Variants in C1orf21 observed in about 807,000 individuals in gnomAD.
The protein encoded by C1orf21 is chromosome 1 open reading frame 21, also known as uncharacterized protein C1orf21.
A neutral mutation model predicts 18.7 loss-of-function variants in C1orf21; 3 were observed. That is an observed-to-expected ratio of 0.16 (90% confidence interval 0.07 to 0.42). The LOEUF (loss-of-function observed/expected upper bound fraction) is 0.42, where lower values mean the gene tolerates loss of function less well. C1orf21 is among the 10% of genes least tolerant of loss of function. The pLI is 0.99. For synonymous variants in C1orf21, 41 were observed against 46.4 expected (o/e 0.88, Z 0.47); for missense variants, 104 against 143.6 (o/e 0.72, Z 1.41).
chr1:184,422,136 A>G (rs185093090), intron 1 of C1orf21, among the ~76,000 whole-genome samples: 103 of 152,320 alleles, frequency 6.8e-4, no homozygotes, highest in African/African-American at 2.4e-3. Flanking sequence ...CTAGAGAAAG[A>G]GTATCAGGCA....
chr1:184,571,218 A>C (rs976569215), intron 3 of C1orf21, among the ~76,000 whole-genome samples: 2 of 145,358 alleles, frequency 1.4e-5, no homozygotes, highest in Non-Finnish European at 3.0e-5. Context: ...AATGGCGTGA[A>C]CCCGGGAGGC....
At chr1:184,586,373 C>T (rs1659353230) in intron 3 of C1orf21, among the ~76,000 whole-genome samples, 3 of 151,616 alleles carry the variant, frequency 2.0e-5, no homozygotes, top group African/African-American at 7.3e-5. Context: ...GGCTCCGCCC[C>T]CTGGGGTTCA....
intron 3 of C1orf21, among the ~76,000 whole-genome samples, chr1:184,548,527 C>T (rs922119707): frequency 6.6e-6 from 1 of 151,748 alleles, no homozygotes; most frequent in Non-Finnish European, 1.5e-5. Flanking sequence ...CCATTCTCCC[C>T]ATTGCAGACT....
At position 184,404,652 on chromosome 1, in the gene C1orf21, A is replaced by G. The variant is rs183290245; in HGVS notation, c.-125+17284A>G. On this transcript the variant is annotated intron_variant, in intron 1 of 5. Transcript: ENST00000235307. Reference sequence around the variant, plus strand: ...AATTCAATTTCAACATAAGTTTTAGAAGGAACAAACATTCAAACCATAGCA... The same window carrying G: ...AATTCAATTTCAACATAAGTTTTAGGAGGAACAAACATTCAAACCATAGCA... Among the ~76,000 whole-genome samples, 211 of 152,334 alleles carry G rather than the reference A, an allele frequency of 1.4e-3. 3 individuals carry two copies. The highest frequency in any genetic ancestry group is 6.8e-3 in the Middle Eastern group (2 of 294).
intron 5 of C1orf21, among the ~76,000 whole-genome samples, chr1:184,605,859 T>C (rs2102005607): frequency 6.6e-6 from 1 of 152,322 alleles, no homozygotes; most frequent in African/African-American, 2.4e-5. Flanking sequence ...TTGGTTGAAG[T>C]CGCCTGTGTT....
At chr1:184,560,950 C>T (rs983495502) in intron 3 of C1orf21, among the ~76,000 whole-genome samples, 1 of 152,182 alleles carries the variant, frequency 6.6e-6, no homozygotes, top group African/African-American at 2.4e-5. Context: ...GTAAATGATG[C>T]TCTCTGATGT....
intron 1 of C1orf21, among the ~76,000 whole-genome samples, chr1:184,461,595 A>G (rs768864992): frequency 2.0e-5 from 3 of 152,180 alleles, no homozygotes; most frequent in Non-Finnish European, 2.9e-5. Flanking sequence ...TGTTTTGTTG[A>G]TGTCATTGTA....
chr1:184,568,855 G>T (rs553396685), intron 3 of C1orf21, among the ~76,000 whole-genome samples: 13 of 152,236 alleles, frequency 8.5e-5, no homozygotes, highest in African/African-American at 3.1e-4. Flanking sequence ...ATTCTGAGTG[G>T]GATTAATGTT....
intron 4 of C1orf21, among the ~76,000 whole-genome samples, chr1:184,594,985 T>C (rs933532491): frequency 1.3e-5 from 2 of 152,218 alleles, no homozygotes; most frequent in African/African-American, 4.8e-5. Context: ...TGCCATTGTA[T>C]TGTCATCCCT....
chr1:184,453,317 A>G (rs978407414), intron 1 of C1orf21, among the ~76,000 whole-genome samples: 2 of 152,180 alleles, frequency 1.3e-5, no homozygotes, highest in African/African-American at 4.8e-5. Flanking sequence ...TGCCCCAGGT[A>G]CAGGTTGAAC....
rs145036751 is a variant in C1orf21, at chr1:184,415,482, C to G, written c.-125+28114C>G. 3.3e-3 allele frequency among the ~76,000 whole-genome samples: 504 copies of G among 152,206 alleles called. 5 individuals carry two copies. Among genetic ancestry groups the G allele is most frequent in the African/African-American group, 0.012 (478 of 41,514 alleles). Reference sequence around the variant, plus strand: ...ATTTGCTTATTTTGCGTGTTCTGTTCTGATGGAGGTGGTCTGTGAGCCACA... The same window carrying G: ...ATTTGCTTATTTTGCGTGTTCTGTTGTGATGGAGGTGGTCTGTGAGCCACA... On this transcript the variant is annotated intron_variant, in intron 1 of 5. Transcript: ENST00000235307.
At chr1:184,533,786 G>T (rs942920650) in intron 3 of C1orf21, among the ~76,000 whole-genome samples, 1 of 152,230 alleles carries the variant, frequency 6.6e-6, no homozygotes, top group Non-Finnish European at 1.5e-5. Context: ...TCCACAGGAG[G>T]CCCTGGCCGG....
At chr1:184,576,969 G>A (rs1344685869) in intron 3 of C1orf21, among the ~76,000 whole-genome samples, 2 of 152,132 alleles carry the variant, frequency 1.3e-5, no homozygotes, top group African/African-American at 4.8e-5. Flanking sequence ...AATGGGTTGA[G>A]ACTTTTGGGG....
intron 3 of C1orf21, among the ~76,000 whole-genome samples, chr1:184,561,806 C>T (rs1377835387): frequency 2.0e-5 from 3 of 151,916 alleles, no homozygotes; most frequent in Admixed American, 6.6e-5. Context: ...TTAGTAGAGA[C>T]GGGGTTTCAC....
Position 184,435,388 on chromosome 1 carries a change from GC to G in C1orf21, c.-124-41996del, listed in dbSNP as rs550185234. ...AGATGGATTCTCACTCTGTCGCCCA[GC>G]CTGGAGTGCAGTGGCATAGTCTCAG... is the stretch of plus-strand genomic sequence containing the variant. On this transcript the variant is annotated intron_variant, in intron 1 of 5. Coordinates refer to ENST00000235307, the MANE Select transcript of C1orf21 (RefSeq NM_030806.4). Among the ~76,000 whole-genome samples, 52 of 152,302 alleles carry G rather than the reference GC, an allele frequency of 3.4e-4. No homozygotes were observed. The East Asian group carries it at 9.4e-3, about 28-fold the overall frequency.
chr1:184,417,702 G>C (rs895790661), intron 1 of C1orf21, among the ~76,000 whole-genome samples: 3 of 152,154 alleles, frequency 2.0e-5, no homozygotes, highest in Non-Finnish European at 4.4e-5. Context: ...ATCTGAATCA[G>C]GCAGTTTCAA....
chr1:184,524,245 G>C (rs995415510), intron 3 of C1orf21, among the ~76,000 whole-genome samples: 2 of 152,104 alleles, frequency 1.3e-5, no homozygotes, highest in Non-Finnish European at 2.9e-5. Flanking sequence ...TGAATATACT[G>C]TATTTCATAC....
At chr1:184,605,688 G>A (rs1659637825) in intron 5 of C1orf21, among the ~76,000 whole-genome samples, 1 of 152,230 alleles carries the variant, frequency 6.6e-6, no homozygotes, top group Non-Finnish European at 1.5e-5. Context: ...TCTGGCAGCA[G>A]CTGTGTGACC....
At chr1:184,546,345 G>C (rs1195269125) in intron 3 of C1orf21, among the ~76,000 whole-genome samples, 1 of 152,188 alleles carries the variant, frequency 6.6e-6, no homozygotes, top group Non-Finnish European at 1.5e-5. Context: ...TGAGATGGGA[G>C]GATTGCTTGA....
Sources: gnomAD v4.1 joint callset for allele counts (sites outside exome capture counted in the v4.1 genomes callset) on GRCh38, gnomAD v4.1.1 for gene constraint, MANE v1.5 for transcripts, NCBI Gene and HGNC (gene_info 2026-07-23, HGNC 2026-07-21) for gene names.